The following CLASP1 variants were observed in gnomAD, a reference collection of about 807,000 sequenced individuals.
CLASP1 encodes cytoplasmic linker associated protein 1, also known as CLIP-associating protein 1.
In CLASP1, 38 loss-of-function variants were observed where a neutral mutation model predicts 192.3. The ratio of observed to expected loss-of-function variants is 0.20; its 90% CI spans 0.15 to 0.26. The LOEUF is 0.26. Among genes scored for constraint, CLASP1 ranks in the 10% least tolerant of loss-of-function variants. CLASP1 has a pLI of 1.00. For missense variants in CLASP1, 1,433 were observed against 1,932.5 expected (o/e 0.74, Z 4.85); for synonymous variants, 691 against 712.8 (o/e 0.97, Z 0.49).
chr2:121,559,793 T>C (rs187460867), intron 2 of CLASP1, among the ~76,000 whole-genome samples: 109 of 152,264 alleles, frequency 7.2e-4, no homozygotes, highest in Non-Finnish European at 1.3e-3. Context: ...ACTCTGAATA[T>C]ACAAAAAAAC....
chr2:121,492,951 G>C (rs1230066758), intron 8 of CLASP1, among the ~76,000 whole-genome samples: 1 of 152,142 alleles, frequency 6.6e-6, no homozygotes, highest in Admixed American at 6.5e-5. Flanking sequence ...ATGCACAGTT[G>C]CAGCTATCTG....
At chr2:121,589,083 A>C (rs2062063594) in intron 2 of CLASP1, among the ~76,000 whole-genome samples, 1 of 152,184 alleles carries the variant, frequency 6.6e-6, no homozygotes, top group South Asian at 2.1e-4. Flanking sequence ...CCTGCATCCA[A>C]AAATGCAGCC....
intron 2 of CLASP1, among the ~76,000 whole-genome samples, chr2:121,605,259 T>A (rs2064285812): frequency 6.6e-6 from 1 of 152,094 alleles, no homozygotes; most frequent in South Asian, 2.1e-4. Flanking sequence ...CTGGGCCAGC[T>A]TCACAACAGT....
chr2:121,515,510 A>G (rs2094264032), intron 7 of CLASP1, among the ~76,000 whole-genome samples, 155 bp downstream of exon 7: 1 of 150,996 alleles, frequency 6.6e-6, no homozygotes, highest in Admixed American at 6.6e-5. Flanking sequence ...CCCCTGATGT[A>G]TGATCTGGAT....
At chr2:121,478,684 A>ACACCACACACACG (rs2092012746) in intron 8 of CLASP1, among the ~76,000 whole-genome samples, 1 of 62,558 alleles carries the variant, frequency 1.6e-5, no homozygotes, top group Non-Finnish European at 3.2e-5. Context: ...CCACACACAC[A>ACACCACACACACG]CCCCACACAC....
chr2:121,357,806 G>C lies in CLASP1; in HGVS notation c.4206+5366C>G, dbSNP rs552213316. ...AAATGGTAAGTCTCCTGCCATCTTG[G>C]CTCAGCAGGGTTCAACCCAGGAGTG... On this transcript the variant is annotated intron_variant, in intron 37 of 39. Coordinates refer to ENST00000263710, the Ensembl canonical transcript of CLASP1. Among the ~76,000 whole-genome samples the C allele has an allele frequency of 3.9e-5, 6 of 152,232 alleles. No homozygotes were observed. In the South Asian group the frequency reaches 1.2e-3, roughly 32 times the overall value.
At chr2:121,469,879 C>T (rs150204660) in exon 9 of CLASP1, 1 of 1,613,862 alleles carries the variant, frequency 6.2e-7, no homozygotes, top group Non-Finnish European at 8.5e-7. Context: ...TCTCCGAGAA[C>T]TTGGTGGAGC....
chr2:121,574,042 T>C (rs752193597), intron 2 of CLASP1, among the ~76,000 whole-genome samples: 4 of 152,182 alleles, frequency 2.6e-5, no homozygotes, highest in Non-Finnish European at 5.9e-5. Flanking sequence ...TTGTACAATA[T>C]GGTAACTATA....
Position 121,573,515 on chromosome 2 carries a change from T to C in CLASP1, c.195+32186A>G, listed in dbSNP as rs114011898. Among the ~76,000 whole-genome samples, 130 of 152,354 alleles carry C rather than the reference T, an allele frequency of 8.5e-4. 2 individuals carry two copies. Among genetic ancestry groups the C allele is most frequent in the African/African-American group, 2.6e-3 (109 of 41,584 alleles). On this transcript the variant is annotated intron_variant, in intron 2 of 39. Transcript: ENST00000263710. ...ACTACAGTTAGATCATATTTCTTCA[T>C]TGTCTAAGTTAATTCTCTCATATTA...
chr2:121,579,381 G>A (rs910564763), intron 2 of CLASP1, among the ~76,000 whole-genome samples: 5 of 152,106 alleles, frequency 3.3e-5, no homozygotes, highest in Non-Finnish European at 4.4e-5. Context: ...GTACAACTCC[G>A]TAATTTACAG....
chr2:121,507,007 T>C (rs2093966260), intron 7 of CLASP1, among the ~76,000 whole-genome samples: 1 of 152,164 alleles, frequency 6.6e-6, no homozygotes, highest in Non-Finnish European at 1.5e-5. Flanking sequence ...TTATTTCAAG[T>C]GTCCAGTTTC....
intron 2 of CLASP1, 169 bp from the exon 3 acceptor site, chr2:121,530,494 A>C (rs902490780): frequency 1.7e-5 from 10 of 600,896 alleles, no homozygotes; most frequent in Non-Finnish European, 3.0e-5. Context: ...ATGATCTTCC[A>C]CAAAAAGAGC....
At chr2:121,628,886 C>CAA (rs749588305) in intron 1 of CLASP1, among the ~76,000 whole-genome samples, 3 of 78,122 alleles carry the variant, frequency 3.8e-5, no homozygotes, top group Non-Finnish European at 2.6e-5. Context: ...GACTCCATCT[C>CAA]AAAAAAAAAA....
At chr2:121,541,630 C>T (rs1428618925) in intron 2 of CLASP1, among the ~76,000 whole-genome samples, 1 of 152,122 alleles carries the variant, frequency 6.6e-6, no homozygotes, top group Non-Finnish European at 1.5e-5. Flanking sequence ...ACGTCAGCCT[C>T]GGCGCTACAC....
intron 2 of CLASP1, among the ~76,000 whole-genome samples, chr2:121,549,706 CAA>C (rs57551536): frequency 3.3e-4 from 23 of 70,552 alleles, no homozygotes; most frequent in Non-Finnish European, 3.5e-4. Context: ...CAATCCTCTG[CAA>C]AAAAAAAAAA....
chr2:121,532,063 A>G (rs543697152), intron 2 of CLASP1, among the ~76,000 whole-genome samples: 1 of 152,308 alleles, frequency 6.6e-6, no homozygotes, highest in South Asian at 2.1e-4. Flanking sequence ...GATTTCTTGT[A>G]TACAGCCTGT....
intron 7 of CLASP1, among the ~76,000 whole-genome samples, chr2:121,510,801 AAAT>A (rs540818823): frequency 6.6e-6 from 1 of 152,038 alleles, no homozygotes; most frequent in Admixed American, 6.6e-5. Context: ...CTGCCTCAAA[AAAT>A]AATAATAATA....
intron 2 of CLASP1, among the ~76,000 whole-genome samples, chr2:121,589,525 G>A (rs1462743688): frequency 1.3e-5 from 2 of 151,826 alleles, no homozygotes; most frequent in African/African-American, 2.4e-5. Context: ...AGCTACTCAG[G>A]AGGCTGAGGC....
chr2:121,407,920 T>A, intron 24 of CLASP1: 1 of 718,906 alleles, frequency 1.4e-6, no homozygotes. Context: ...CACTCTGTAG[T>A]AGAAGGGAAA....
Sources: allele counts gnomAD v4.1 joint callset (sites outside exome capture counted in the v4.1 genomes callset), GRCh38; gene constraint gnomAD v4.1.1; transcripts MANE v1.5; gene names NCBI Gene and HGNC (gene_info 2026-07-23, HGNC 2026-07-21).